CSMD1: variants seen among roughly 807,000 people sequenced by gnomAD.
CSMD1 encodes CUB and Sushi multiple domains 1.
CSMD1 carries 213 observed loss-of-function variants against 417.5 expected under a neutral mutation model. The ratio of observed to expected loss-of-function variants is 0.51; its 90% CI spans 0.46 to 0.57. The LOEUF (loss-of-function observed/expected upper bound fraction) is 0.57. Among genes scored for constraint, CSMD1 ranks in the 20% least tolerant of loss-of-function variants. The pLI, the probability that CSMD1 is intolerant of heterozygous loss-of-function variation, is 0.00. For missense variants in CSMD1, 6,923 were observed against 4,529.7 expected (o/e 1.53, Z -15.17); for synonymous variants, 2,862 against 1,736.8 (o/e 1.65, Z -16.11).
In CSMD1 at chr8:4,259,900, GTC is replaced by G. The variant is rs561199193; in HGVS notation, c.415+160051_415+160052del. On this transcript the variant is annotated intron_variant, in intron 3 of 69. Transcript: ENST00000635120. ...TTAATTTATTTTTTGCTACCGCATA[GTC>G]TCTTCTGTTGTATAATACTACAAAA... Among the ~76,000 whole-genome samples the G allele has an allele frequency of 5.8e-3, 883 of 152,226 alleles. 8 individuals are homozygous for G. Among genetic ancestry groups the G allele is most frequent in the African/African-American group, 0.02 (845 of 41,538 alleles).
chr8:3,680,484 C>T (rs1311113483), intron 7 of CSMD1, among the ~76,000 whole-genome samples: 1 of 152,082 alleles, frequency 6.6e-6, no homozygotes, highest in Non-Finnish European at 1.5e-5. Flanking sequence ...AAGACTAAAC[C>T]AGGAAGAAGT....
chr8:3,889,483 AT>A (rs1563181273), intron 5 of CSMD1, among the ~76,000 whole-genome samples: 11 of 113,620 alleles, frequency 9.7e-5, no homozygotes, highest in African/African-American at 3.9e-4. Context: ...ATATATATAT[AT>A]ATATATATAA....
At chr8:4,134,494 G>T (rs536431349) in intron 3 of CSMD1, among the ~76,000 whole-genome samples, 1 of 152,082 alleles carries the variant, frequency 6.6e-6, no homozygotes, top group Admixed American at 6.6e-5. Flanking sequence ...TTTGATCTCC[G>T]ACTTCCAGCC....
chr8:3,324,599 T>A (rs1002180789), intron 23 of CSMD1, among the ~76,000 whole-genome samples: 1 of 149,116 alleles, frequency 6.7e-6, no homozygotes, highest in South Asian at 2.1e-4. Context: ...GGAGTGGGAG[T>A]TTCCTTCCCC....
At chr8:4,183,398 A>G (rs925690321) in intron 3 of CSMD1, among the ~76,000 whole-genome samples, 5 of 152,208 alleles carry the variant, frequency 3.3e-5, no homozygotes, top group African/African-American at 9.6e-5. Flanking sequence ...AGCTGATGTA[A>G]AAGCAACTCC....
intron 26 of CSMD1, among the ~76,000 whole-genome samples, chr8:3,234,288 C>T (rs905357460): frequency 1.3e-5 from 2 of 152,100 alleles, no homozygotes; most frequent in Non-Finnish European, 2.9e-5. Context: ...CAATTTTATC[C>T]AGCACTTTTA....
chr8:4,665,213 T>G (rs1804843680), intron 1 of CSMD1, among the ~76,000 whole-genome samples: 3 of 152,170 alleles, frequency 2.0e-5, no homozygotes, highest in African/African-American at 7.2e-5. Context: ...CTTTCAGAGC[T>G]CTGTTCTCCC....
intron 26 of CSMD1, among the ~76,000 whole-genome samples, chr8:3,274,224 G>A (rs1040296611): frequency 6.6e-6 from 1 of 151,766 alleles, no homozygotes; most frequent in Non-Finnish European, 1.5e-5. Context: ...CAGTTTCCAT[G>A]TAGTTGAGCG....
intron 3 of CSMD1, among the ~76,000 whole-genome samples, chr8:4,343,318 G>C (rs760141831): frequency 2.0e-5 from 3 of 152,084 alleles, no homozygotes; most frequent in Admixed American, 6.6e-5. Flanking sequence ...CAAAATTTTA[G>C]TAAGAGAATG....
chr8:4,837,605 G>A (rs1800574297), intron 1 of CSMD1, among the ~76,000 whole-genome samples: 1 of 152,122 alleles, frequency 6.6e-6, no homozygotes, highest in South Asian at 2.1e-4. Flanking sequence ...GGTTACCAGA[G>A]GCTGGGAAGG....
chr8:4,384,860 A>T (rs1183994086), intron 3 of CSMD1, among the ~76,000 whole-genome samples: 1 of 151,174 alleles, frequency 6.6e-6, no homozygotes, highest in African/African-American at 2.4e-5. Context: ...GTTTGATCTT[A>T]ACAAATACAA....
intron 2 of CSMD1, among the ~76,000 whole-genome samples, chr8:4,430,744 C>G (rs1369560784): frequency 6.6e-6 from 1 of 152,042 alleles, no homozygotes; most frequent in Non-Finnish European, 1.5e-5. Flanking sequence ...GAAACAGCAT[C>G]CACATAATGT....
chr8:3,399,421 G>A lies in CSMD1; in HGVS notation c.2375C>T (p.Pro792Leu). 5 of 1,605,950 alleles carry A rather than the reference G, an allele frequency of 3.1e-6. No individual in the cohort carries two copies. Among genetic ancestry groups the A allele is most frequent in the Non-Finnish European group, 4.2e-6 (5 of 1,176,652 alleles). The change falls in exon 16 of 70, where the codon CCA becomes CTA. Residue 792 changes from proline (P) to leucine (L), a missense_variant. Physicochemically the swap from Pro to Leu is moderately conservative, Grantham distance 98 (BLOSUM62 -3). Coordinates refer to ENST00000635120, the MANE Select transcript of CSMD1 (RefSeq NM_033225.6). ...AAAAGTTATTTTGATAGAGTGGCCT[G>A]GTTTTGCTTCAATTATCCATTCACA... ...LHCEWIIEAK[P>L]GHSIKITFDR...
intron 1 of CSMD1, among the ~76,000 whole-genome samples, chr8:4,957,687 C>T (rs1809209161): frequency 6.6e-6 from 1 of 152,150 alleles, no homozygotes; most frequent in Non-Finnish European, 1.5e-5. Context: ...AAACTCATTG[C>T]TATAGTAAGA....
chr8:4,426,283 G>C (rs549302869), intron 2 of CSMD1, among the ~76,000 whole-genome samples: 20 of 151,382 alleles, frequency 1.3e-4, no homozygotes, highest in African/African-American at 4.6e-4. Flanking sequence ...TTCTGTTCTA[G>C]AATTCATCCA....
chr8:4,068,220 A>T (rs1799358865), intron 3 of CSMD1, among the ~76,000 whole-genome samples: 1 of 152,184 alleles, frequency 6.6e-6, no homozygotes, highest in Non-Finnish European at 1.5e-5. Context: ...TGCAGTGTTA[A>T]AAGCAGAAGA....
At chr8:4,808,144 C>G (rs1798695020) in intron 1 of CSMD1, among the ~76,000 whole-genome samples, 1 of 152,158 alleles carries the variant, frequency 6.6e-6, no homozygotes, top group South Asian at 2.1e-4. Flanking sequence ...AATCCACCAC[C>G]ACGATTCCGG....
chr8:4,591,936 G>C (rs1204996603), intron 2 of CSMD1, among the ~76,000 whole-genome samples: 1 of 152,076 alleles, frequency 6.6e-6, no homozygotes, highest in African/African-American at 2.4e-5. Flanking sequence ...TCGGAGGAAA[G>C]GCAGCTGCTA....
chr8:4,562,387 C>A (rs961906318), intron 2 of CSMD1, among the ~76,000 whole-genome samples: 2 of 152,138 alleles, frequency 1.3e-5, no homozygotes, highest in Admixed American at 1.3e-4. Flanking sequence ...AGGCATGAAC[C>A]TAGCCCTCAA....
Sources: allele counts gnomAD v4.1 joint callset (sites outside exome capture counted in the v4.1 genomes callset), GRCh38; gene constraint gnomAD v4.1.1; transcripts MANE v1.5; gene names NCBI Gene and HGNC (gene_info 2026-07-23, HGNC 2026-07-21).